TMEM123: variants seen among roughly 807,000 people sequenced by gnomAD.
TMEM123 encodes transmembrane protein 123, also known as porimin.
Under a neutral mutation model 19.7 loss-of-function variants are expected in TMEM123, and 16 were observed. The ratio of observed to expected loss-of-function variants is 0.81; its 90% CI spans 0.55 to 1.23. The LOEUF (loss-of-function observed/expected upper bound fraction) is 1.23. TMEM123 is among the 50% of genes most tolerant of loss of function. The pLI, the probability that TMEM123 is intolerant of heterozygous loss-of-function variation, is 0.00. For missense variants in TMEM123, 313 were observed against 257.8 expected, an observed-to-expected ratio of 1.21 and a Z score of -1.47; for synonymous variants, 118 against 99.4, an observed-to-expected ratio of 1.19 and a Z score of -1.12.
intron 2 of TMEM123, among the ~76,000 whole-genome samples, chr11:102,409,716 A>G (rs1725156204): frequency 1.3e-5 from 2 of 152,080 alleles, no homozygotes; most frequent in African/African-American, 4.8e-5. Flanking sequence ...TCTACTCAAA[A>G]TATAAAAATT....
chr11:102,422,432 T>C (rs1591559434), intron 2 of TMEM123, among the ~76,000 whole-genome samples: 1 of 151,962 alleles, frequency 6.6e-6, no homozygotes, highest in Non-Finnish European at 1.5e-5. Flanking sequence ...CGAGATTGTG[T>C]CACTGCACTC....
chr11:102,407,319 T>C (rs1295919530), intron 2 of TMEM123, among the ~76,000 whole-genome samples: 1 of 152,242 alleles, frequency 6.6e-6, no homozygotes, highest in African/African-American at 2.4e-5. Flanking sequence ...GGACAGGAGC[T>C]GCACCCTACT....
intron 2 of TMEM123, among the ~76,000 whole-genome samples, chr11:102,427,447 CTTTTTTTT>C (rs754431473): frequency 2.4e-5 from 3 of 122,644 alleles, no homozygotes; most frequent in African/African-American, 9.1e-5. Context: ...GGTATAAATT[CTTTTTTTT>C]TTTTTTTTTT....
chr11:102,425,135 A>G (rs1015999683), intron 2 of TMEM123, among the ~76,000 whole-genome samples: 1 of 152,242 alleles, frequency 6.6e-6, no homozygotes, highest in Non-Finnish European at 1.5e-5. Flanking sequence ...TATCAGAAAG[A>G]AACAGAGGCT....
chr11:102,438,251 C>T (rs1857786425), intron 2 of TMEM123, among the ~76,000 whole-genome samples: 1 of 152,098 alleles, frequency 6.6e-6, no homozygotes, highest in South Asian at 2.1e-4. Flanking sequence ...GGGGGTTTCA[C>T]CATGTTGGCC....
Position 102,402,317 on chromosome 11 carries a change from G to A in TMEM123, c.158-111C>T. The A allele has an allele frequency of 6.2e-6, 7 of 1,133,970 alleles. No homozygotes were observed. In the South Asian group the frequency reaches 1.1e-4, roughly 17 times the overall value. The allele number at this position is 1,133,970 out of a possible 1,614,324, so 70.2% of individuals were successfully genotyped here. A position where few individuals can be genotyped will look rare whatever the true frequency, so the allele number is the denominator to read the frequency against. ...CAAAGCAAGAGATCTTACAAATACA[G>A]CAGCATTTAACATACTTAGCCCATT... On this transcript the variant is annotated intron_variant, in intron 2 of 4. Coordinates refer to ENST00000398136, the MANE Select transcript of TMEM123 (RefSeq NM_052932.3).
intron 2 of TMEM123, among the ~76,000 whole-genome samples, chr11:102,412,729 G>A (rs919232715): frequency 6.6e-5 from 10 of 152,088 alleles, no homozygotes; most frequent in Non-Finnish European, 8.8e-5. Flanking sequence ...TATACAAGAT[G>A]AGAAATATAT....
At chr11:102,445,086 G>A (rs1351135064) in intron 2 of TMEM123, among the ~76,000 whole-genome samples, 5 of 151,988 alleles carry the variant, frequency 3.3e-5, no homozygotes, top group Non-Finnish European at 7.4e-5. Context: ...TGCGTTAATG[G>A]GTGTAGCACA....
chr11:102,400,792 C>A (rs1951906129), intron 4 of TMEM123, among the ~76,000 whole-genome samples: 1 of 152,238 alleles, frequency 6.6e-6, no homozygotes, highest in Admixed American at 6.5e-5. Context: ...GCACCCTGAT[C>A]TTGGACTTCC....
At chr11:102,446,821 A>T (rs552896949) in intron 2 of TMEM123, among the ~76,000 whole-genome samples, 1 of 152,224 alleles carries the variant, frequency 6.6e-6, no homozygotes, top group East Asian at 1.9e-4. Flanking sequence ...CCAACAGTAC[A>T]TTCCTGGAAT....
chr11:102,448,112 C>T (rs1167431752), intron 2 of TMEM123: 2 of 402,442 alleles, frequency 5.0e-6, no homozygotes, highest in Non-Finnish European at 9.9e-6. Context: ...TATTCCCTGA[C>T]TAAAAGTAAA....
intron 2 of TMEM123, chr11:102,448,305 G>A (rs1484946143): frequency 1.3e-5 from 6 of 456,032 alleles, no homozygotes; most frequent in African/African-American, 1.2e-4. Flanking sequence ...AGTGAACTCA[G>A]AGGCCCAAGG....
At chr11:102,443,414 T>C (rs1399543681) in intron 2 of TMEM123, among the ~76,000 whole-genome samples, 1 of 152,184 alleles carries the variant, frequency 6.6e-6, no homozygotes, top group African/African-American at 2.4e-5. Context: ...CATCTGATCT[T>C]TGACAAACCT....
intron 2 of TMEM123, among the ~76,000 whole-genome samples, chr11:102,422,534 G>C (rs2135852967): frequency 6.6e-6 from 1 of 152,154 alleles, no homozygotes; most frequent in South Asian, 2.1e-4. Context: ...TCATCATTCT[G>C]CCAATTAGGA....
At chr11:102,419,283 A>G (rs533557963) in intron 2 of TMEM123, among the ~76,000 whole-genome samples, 10 of 152,366 alleles carry the variant, frequency 6.6e-5, no homozygotes, top group African/African-American at 2.2e-4. Context: ...TTTAATTTCA[A>G]TCCTTATTCA....
Position 102,401,938 on chromosome 11 carries a change from T to A in TMEM123, c.426A>T (p.Thr142=). Residue 142 remains threonine (T), a synonymous_variant, in exon 3 of 5, where the codon ACA becomes ACT. Coordinates refer to ENST00000398136, the MANE Select transcript of TMEM123 (RefSeq NM_052932.3). ...TACTTGTTACTGATGAAGCAGCAGATGTCACTGAACTATTGTGGGTTACGG... is the reference window on the plus strand; with the variant it reads ...TACTTGTTACTGATGAAGCAGCAGAAGTCACTGAACTATTGTGGGTTACGG... ...TMTVTHNSSV[T]SAASSVTITT... 2 of 1,614,090 alleles carry A rather than the reference T, an allele frequency of 1.2e-6. No homozygotes were observed. Among genetic ancestry groups the A allele is most frequent in the Non-Finnish European group, 1.7e-6 (2 of 1,179,908 alleles).
rs914829507 is a variant in TMEM123, at chr11:102,396,431, T to C, written c.*2436A>G. 4.6e-5 allele frequency: 7 copies of C among 152,164 alleles called. No individual in the cohort carries two copies. The highest frequency in any genetic ancestry group is 7.4e-5 in the Non-Finnish European group (5 of 68,012). 9.4% of individuals were successfully genotyped at this position (152,164 alleles called of 1,614,324 possible). A position where few individuals can be genotyped will look rare whatever the true frequency, so the allele number is the denominator to read the frequency against. ...TAAAAAGAAAAGAAGAGTTTAACTT[T>C]TTTTTTGTGAAAATACAAAATTATC... On this transcript the variant is annotated 3_prime_UTR_variant, in exon 5 of 5. Coordinates refer to ENST00000398136, the MANE Select transcript of TMEM123 (RefSeq NM_052932.3).
intron 2 of TMEM123, among the ~76,000 whole-genome samples, chr11:102,421,261 A>T (rs1408824583): frequency 2.6e-5 from 4 of 152,266 alleles, no homozygotes; most frequent in African/African-American, 9.6e-5. Flanking sequence ...AACAACAACA[A>T]CTTCTCATAC....
At chr11:102,420,023 G>A (rs1243521120) in intron 2 of TMEM123, among the ~76,000 whole-genome samples, 1 of 152,220 alleles carries the variant, frequency 6.6e-6, no homozygotes, top group African/African-American at 2.4e-5. Context: ...AACTTAGAAA[G>A]TATACTGGAA....
Sources: allele counts gnomAD v4.1 joint callset (sites outside exome capture counted in the v4.1 genomes callset), GRCh38; gene constraint gnomAD v4.1.1; transcripts MANE v1.5; gene names NCBI Gene and HGNC (gene_info 2026-07-23, HGNC 2026-07-21).